Variants in GPR142 observed in about 807,000 individuals in gnomAD.
GPR142 encodes the protein G-protein coupled receptor 142 long form.
A neutral mutation model predicts 10.6 loss-of-function variants in GPR142; 9 were observed. The observed-to-expected ratio is 0.85, with a 90% confidence interval of 0.51 to 1.48. GPR142 has a LOEUF of 1.48. Among genes scored for constraint, GPR142 ranks in the 40% most tolerant of loss-of-function variants. GPR142 has a pLI of 0.00. For synonymous variants in GPR142, 202 were observed against 221.2 expected (o/e 0.91, Z 0.77); for missense variants, 482 against 506.0 (o/e 0.95, Z 0.45).
At position 74,370,574 on chromosome 17, in the gene GPR142, C is replaced by G. The variant is rs779829565; in HGVS notation, c.148C>G (p.Gln50Glu). 1.2e-6 allele frequency: 2 copies of G among 1,610,884 alleles called. No homozygotes were observed. Among genetic ancestry groups the G allele is most frequent in the Non-Finnish European group, 1.7e-6 (2 of 1,178,582 alleles). ...CACGCCCCACGTCAGCGGGCTGAGC[C>G]AGGAGTTTGAAAGCCACTGGCCAGA... ...LPTPHVSGLS[Q>E]EFESHWPEIA... The change falls in exon 3 of 4, where the codon CAG becomes GAG. Residue 50 changes from glutamine (Q) to glutamate (E), a missense_variant. By Grantham distance (29) the Gln-to-Glu change is conservative. Coordinates refer to ENST00000582579, the MANE Select transcript of GPR142 (RefSeq NM_001331076.1).
intron 3 of GPR142, among the ~76,000 whole-genome samples, chr17:74,370,929 A>G (rs1436447849): frequency 6.6e-6 from 1 of 152,144 alleles, no homozygotes; most frequent in Non-Finnish European, 1.5e-5. Flanking sequence ...CAAAATTCAC[A>G]TAGGAACTGG....
chr17:74,367,831 T>C, intron 1 of GPR142, 37 bp downstream of exon 1: 2 of 1,530,664 alleles, frequency 1.3e-6, no homozygotes, highest in South Asian at 2.6e-5. Flanking sequence ...GGCATCATTG[T>C]AGCAAACTCA....
intron 1 of GPR142, 93 bp downstream of exon 1, chr17:74,367,887 GC>G: frequency 8.0e-7 from 1 of 1,247,876 alleles, no homozygotes; most frequent in Non-Finnish European, 1.1e-6. Flanking sequence ...AATCCAGGGA[GC>G]TCTAGTTTTC....
chr17:74,372,361 GC>G lies in GPR142; in HGVS notation c.890del (p.Pro297LeufsTer66), dbSNP rs767653577. The G allele has an allele frequency of 3.7e-6, 6 of 1,614,138 alleles. No individual in the cohort carries two copies. Among genetic ancestry groups the G allele is most frequent in the Non-Finnish European group, 4.2e-6 (5 of 1,179,974 alleles). On this transcript the variant is annotated frameshift_variant, in exon 4 of 4. Transcript: ENST00000582579. LOFTEE classifies it low-confidence loss of function (END_TRUNC). ...CGTCATGCTCTACCACATGTACGTG[GC>G]CCCTGTCCACCGGGACTGGAGGGTC... ...VFVMLYHMYV[A>X]PVHRDWRVHL...
intron 1 of GPR142, among the ~76,000 whole-genome samples, chr17:74,369,022 A>T (rs1430086868): frequency 6.7e-6 from 1 of 149,824 alleles, no homozygotes; most frequent in Non-Finnish European, 1.5e-5. Flanking sequence ...CAGCCTTACC[A>T]CTCCTACCTG....
Position 74,372,113 on chromosome 17 carries a change from G to A in GPR142, c.638G>A (p.Arg213Lys), listed in dbSNP as rs2055032908. 1 of 1,614,204 alleles carries A rather than the reference G, an allele frequency of 6.2e-7. No individual in the cohort carries two copies. The highest frequency in any genetic ancestry group is 1.3e-5 in the African/African-American group (1 of 75,074). ...TTCTACTGGTGGCTGGACATGTGGA[G>A]AGACACCGACTCACCCAGAACACTG... ...IPFYWWLDMW[R>K]DTDSPRTLDE... Residue 213 changes from arginine to lysine, a missense_variant, in exon 4 of 4, where the codon AGA becomes AAA. Physicochemically the swap from Arg to Lys is conservative, Grantham distance 26. Transcript: ENST00000582579.
At chr17:74,371,388 A>G (rs1461669690) in intron 3 of GPR142, among the ~76,000 whole-genome samples, 1 of 151,952 alleles carries the variant, frequency 6.6e-6, no homozygotes, top group Non-Finnish European at 1.5e-5. Context: ...TGAACTCCTG[A>G]CCTCAGGTGA....
At chr17:74,369,929 G>A in intron 2 of GPR142, among the ~76,000 whole-genome samples, 1 of 152,128 alleles carries the variant, frequency 6.6e-6, no homozygotes. Flanking sequence ...CAGCTTTAGT[G>A]GTGCTCACCT....
In GPR142 at chr17:74,370,864, G is replaced by A. The variant is rs535474199; in HGVS notation, c.253+185G>A. Among the ~76,000 whole-genome samples the A allele has an allele frequency of 2.6e-5, 4 of 152,274 alleles. No homozygotes were observed. The South Asian group carries it at 6.2e-4, about 24-fold the overall frequency. ...ATACAAGTAAGGGGCTAGGATTGGGGGTGCTCACAGCTAAACCCAAGTTTT... is the reference window on the plus strand; with the variant it reads ...ATACAAGTAAGGGGCTAGGATTGGGAGTGCTCACAGCTAAACCCAAGTTTT... On this transcript the variant is annotated intron_variant, in intron 3 of 3. Transcript: ENST00000582579.
rs1457036938 is a variant in GPR142, at chr17:74,367,507, T to C, written c.-361T>C. ...CCATGGATCCCAGCGTTGTTAGCAA[T>C]GAGTATTATGATGTTGCCCATGGAG... On this transcript the variant is annotated 5_prime_UTR_variant, in exon 1 of 4. The change abolishes an upstream ATG in the 5' untranslated region. Transcript: ENST00000582579. 7.4e-6 allele frequency: 12 copies of C among 1,612,394 alleles called. No homozygotes were observed. The highest frequency in any genetic ancestry group is 1.0e-5 in the Non-Finnish European group (12 of 1,178,736).
chr17:74,368,618 G>A (rs1455710707), intron 1 of GPR142, among the ~76,000 whole-genome samples: 2 of 152,178 alleles, frequency 1.3e-5, no homozygotes, highest in Non-Finnish European at 2.9e-5. Context: ...GGGGGCCTGA[G>A]CTCTCCTCCC....
intron 1 of GPR142, among the ~76,000 whole-genome samples, chr17:74,369,257 C>T (rs2055004994): frequency 6.6e-6 from 1 of 152,160 alleles, no homozygotes; most frequent in African/African-American, 2.4e-5. Flanking sequence ...TTCCTGCTCC[C>T]CCAGGCATAG....
At position 74,372,229 on chromosome 17, in the gene GPR142, C is replaced by T. The variant is rs2055034598; in HGVS notation, c.754C>T (p.Leu252=). The change falls in exon 4 of 4, where the codon CTA becomes TTA. Residue 252 remains leucine (L), a synonymous_variant. Coordinates refer to ENST00000582579, the MANE Select transcript of GPR142 (RefSeq NM_001331076.1). ...LVTNSAIIHR[L]RRRGRSGLQP... ...CACCAACTCGGCCATCATCCACCGGCTACGGAGGAGGGGCCGGAGTGGGCT... is the reference window on the plus strand; with the variant it reads ...CACCAACTCGGCCATCATCCACCGGTTACGGAGGAGGGGCCGGAGTGGGCT... 1 of 1,613,814 alleles carries T rather than the reference C, an allele frequency of 6.2e-7. No homozygotes were observed. Among genetic ancestry groups the T allele is most frequent in the Non-Finnish European group, 8.5e-7 (1 of 1,179,782 alleles).
rs766708510 is a variant in GPR142 at position 74,372,142 on chromosome 17, G to A, written c.667G>A (p.Glu223Lys). ...CACCGACTCACCCAGAACACTGGAC[G>A]AGGTCCTCAAGTGGGCTCACTGTCT... ...RDTDSPRTLD[E>K]VLKWAHCLTV... Residue 223 changes from glutamate (E) to lysine (K), a missense_variant, in exon 4 of 4, where the codon GAG (glutamate) becomes AAG (lysine). Physicochemically the swap from Glu to Lys is moderately conservative, Grantham distance 56. Coordinates refer to ENST00000582579, the MANE Select transcript of GPR142 (RefSeq NM_001331076.1). 1.1e-5 allele frequency: 17 copies of A among 1,614,196 alleles called. No homozygotes were observed. The highest frequency in any genetic ancestry group is 6.6e-5 in the South Asian group (6 of 91,078).
Position 74,371,878 on chromosome 17 carries a change from G to A in GPR142, c.403G>A (p.Ala135Thr). Residue 135 changes from alanine (A) to threonine (T), a missense_variant, in exon 4 of 4, where the codon GCC becomes ACC. By Grantham distance (58) the Ala-to-Thr change is moderately conservative. Transcript: ENST00000582579. The stretch of plus-strand genomic sequence containing the variant: ...CTTCCTCCTGCAGGGAGCAGTGCTG[G>A]CCCGCCAGGTGCCCCAGGCTGTGGT... ...AGFLLQGAVL[A>T]RQVPQAVVRT... 6.2e-7 allele frequency: 1 copy of A among 1,613,332 alleles called. No homozygotes were observed. The highest frequency in any genetic ancestry group is 8.5e-7 in the Non-Finnish European group (1 of 1,180,014).
chr17:74,367,803 C>A lies in GPR142; in HGVS notation c.-74+9C>A. The A allele has an allele frequency of 6.3e-7, 1 of 1,588,524 alleles. No homozygotes were observed. Among genetic ancestry groups the A allele is most frequent in the Non-Finnish European group, 8.6e-7 (1 of 1,166,422 alleles). ...TTCTATGGGGTGGGATGGTAAGTTG[C>A]TGGAAGGACGTGCATGGGGCATCAT... is the stretch of plus-strand genomic sequence containing the variant. On this transcript the variant is annotated intron_variant, in intron 1 of 3. Transcript: ENST00000582579.
At position 74,367,810 on chromosome 17, in the gene GPR142, G is replaced by C; in HGVS notation, c.-74+16G>C. 1.9e-6 allele frequency: 3 copies of C among 1,579,734 alleles called. No homozygotes were observed. Among genetic ancestry groups the C allele is most frequent in the African/African-American group, 1.3e-5 (1 of 74,176 alleles). ...GGGTGGGATGGTAAGTTGCTGGAAG[G>C]ACGTGCATGGGGCATCATTGTAGCA... On this transcript the variant is annotated intron_variant, in intron 1 of 3. Transcript: ENST00000582579.
rs759058005 is a variant in GPR142, at chr17:74,367,588, C to T, written c.-280C>T. 6.2e-7 allele frequency: 1 copy of T among 1,614,186 alleles called. No homozygotes were observed. The highest frequency in any genetic ancestry group is 1.1e-5 in the South Asian group (1 of 91,088). ...CAGGACATCACTGCTGTCCTGGGTA[C>T]AGAAGCATATACTGAGGAAGACAAA... On this transcript the variant is annotated 5_prime_UTR_variant, in exon 1 of 4. Transcript: ENST00000582579.
intron 2 of GPR142, among the ~76,000 whole-genome samples, chr17:74,370,170 G>T (rs2055011926): frequency 7.5e-6 from 1 of 133,370 alleles, no homozygotes; most frequent in South Asian, 2.6e-4. Context: ...GGCGGCCCAG[G>T]AGCCTGCACC....
Sources: allele counts gnomAD v4.1 joint callset (sites outside exome capture counted in the v4.1 genomes callset), GRCh38; gene constraint gnomAD v4.1.1; transcripts MANE v1.5; gene names NCBI Gene and HGNC (gene_info 2026-07-23, HGNC 2026-07-21).